LRMDA: variants seen among roughly 807,000 people sequenced by gnomAD.
LRMDA encodes leucine-rich melanocyte differentiation-associated protein.
A neutral mutation model predicts 29.8 loss-of-function variants in LRMDA; 18 were observed. The observed-to-expected ratio is 0.60, with a 90% CI of 0.42 to 0.90. The LOEUF is 0.90. Ranked by LOEUF, LRMDA falls within the 40% of genes least tolerant of loss-of-function variation. LRMDA has a pLI of 0.00. For missense variants in LRMDA, 273 were observed against 273.9 expected (o/e 1.00, Z 0.02); for synonymous variants, 125 against 109.4 (o/e 1.14, Z -0.89).
rs181963355 is a variant in LRMDA, at chr10:76,092,987, G to C, written c.516+34204G>C. The stretch of plus-strand genomic sequence containing the variant: ...TCTTTTGGTCCGTGGGCTCTCCCTG[G>C]AAAACATTACTGAGACCGTTAGGGC... On this transcript the variant is annotated intron_variant, in intron 5 of 6. Transcript: ENST00000611255. Among the ~76,000 whole-genome samples, 296 of 152,212 alleles carry C rather than the reference G, an allele frequency of 1.9e-3. 4 individuals carry two copies. Among genetic ancestry groups the C allele is most frequent in the African/African-American group, 7.0e-3 (289 of 41,522 alleles).
At chr10:75,840,816 C>T (rs955344175) in intron 2 of LRMDA, among the ~76,000 whole-genome samples, 6 of 152,198 alleles carry the variant, frequency 3.9e-5, no homozygotes, top group African/African-American at 1.2e-4. Flanking sequence ...TGAGGAACTC[C>T]GTAATAAGTC....
chr10:76,509,616 A>T (rs1297901495), intron 6 of LRMDA, among the ~76,000 whole-genome samples: 1 of 152,192 alleles, frequency 6.6e-6, no homozygotes, highest in Non-Finnish European at 1.5e-5. Context: ...GGGAAATGAG[A>T]ATCAGTTTGT....
chr10:75,927,518 A>G (rs767599286), intron 2 of LRMDA, among the ~76,000 whole-genome samples: 5 of 151,784 alleles, frequency 3.3e-5, no homozygotes, highest in Non-Finnish European at 5.9e-5. Flanking sequence ...TGGCTCACCT[A>G]CTCTTTCAAC....
At chr10:76,554,893 GT>G (rs1200311676) in intron 6 of LRMDA, among the ~76,000 whole-genome samples, 6 of 149,484 alleles carry the variant, frequency 4.0e-5, no homozygotes, top group Non-Finnish European at 7.5e-5. Flanking sequence ...GTGTGTGTGT[GT>G]GTGGTGTGTG....
At chr10:76,254,887 T>C (rs1435618303) in intron 5 of LRMDA, among the ~76,000 whole-genome samples, 4 of 152,168 alleles carry the variant, frequency 2.6e-5, no homozygotes, top group Non-Finnish European at 5.9e-5. Context: ...CAACTCCATG[T>C]TGAAAAACCT....
chr10:75,945,957 A>C (rs971247211), intron 2 of LRMDA, among the ~76,000 whole-genome samples: 1 of 152,176 alleles, frequency 6.6e-6, no homozygotes, highest in South Asian at 2.1e-4. Context: ...AAGGTTTCTG[A>C]CTTTCAGCTA....
At chr10:75,650,172 A>G (rs1337687626) in intron 2 of LRMDA, among the ~76,000 whole-genome samples, 1 of 152,172 alleles carries the variant, frequency 6.6e-6, no homozygotes, top group Non-Finnish European at 1.5e-5. Context: ...TTTTGGTGTC[A>G]TATCCAAGAA....
intron 5 of LRMDA, among the ~76,000 whole-genome samples, chr10:76,221,340 T>C (rs1273604979): frequency 4.6e-5 from 7 of 152,246 alleles, no homozygotes; most frequent in Non-Finnish European, 8.8e-5. Flanking sequence ...TTGTCCCTGA[T>C]TGCAGATGAC....
intron 2 of LRMDA, among the ~76,000 whole-genome samples, chr10:75,923,142 A>T (rs192453336): frequency 1.1e-4 from 17 of 152,136 alleles, no homozygotes; most frequent in Non-Finnish European, 2.4e-4. Context: ...TTAGTACCTC[A>T]TTACATCTTC....
intron 2 of LRMDA, among the ~76,000 whole-genome samples, chr10:75,692,529 G>A (rs573958833): frequency 5.4e-5 from 8 of 149,122 alleles, no homozygotes; most frequent in East Asian, 2.0e-4. Context: ...ACACATATGC[G>A]TATGTATACA....
At chr10:75,462,429 C>G (rs1001058279) in intron 2 of LRMDA, among the ~76,000 whole-genome samples, 1 of 152,164 alleles carries the variant, frequency 6.6e-6, no homozygotes, top group Non-Finnish European at 1.5e-5. Flanking sequence ...AGACATCTGT[C>G]TTTGTCGGAA....
intron 6 of LRMDA, among the ~76,000 whole-genome samples, chr10:76,451,667 G>A (rs1471796069): frequency 1.4e-5 from 2 of 147,528 alleles, no homozygotes; most frequent in Non-Finnish European, 3.0e-5. Context: ...TTTTGTGGAG[G>A]AGGGTGGTGG....
chr10:76,010,806 G>A (rs1847765996), intron 2 of LRMDA, among the ~76,000 whole-genome samples: 1 of 152,256 alleles, frequency 6.6e-6, no homozygotes. Context: ...AGGTGGCCTG[G>A]CCACAGGAAC....
chr10:75,936,927 A>G (rs1846305414), intron 2 of LRMDA, among the ~76,000 whole-genome samples: 1 of 152,216 alleles, frequency 6.6e-6, no homozygotes, highest in African/African-American at 2.4e-5. Context: ...TTTAGTCTGC[A>G]GTTAACACTG....
intron 5 of LRMDA, among the ~76,000 whole-genome samples, chr10:76,277,418 C>G (rs1310791809): frequency 6.6e-6 from 1 of 152,188 alleles, no homozygotes; most frequent in Non-Finnish European, 1.5e-5. Flanking sequence ...CCCTCTCATG[C>G]AAGAGGCAGG....
chr10:76,232,451 C>A (rs1049346675), intron 5 of LRMDA, among the ~76,000 whole-genome samples: 1 of 152,194 alleles, frequency 6.6e-6, no homozygotes, highest in Non-Finnish European at 1.5e-5. Context: ...ATACCCTCTT[C>A]ATAGGGGAGA....
intron 2 of LRMDA, among the ~76,000 whole-genome samples, chr10:75,966,087 C>T (rs192313327): frequency 6.6e-6 from 1 of 152,286 alleles, no homozygotes; most frequent in Non-Finnish European, 1.5e-5. Flanking sequence ...TCCCAGGGTG[C>T]AATGCTAGTT....
chr10:75,884,096 G>A (rs561014296), intron 2 of LRMDA, among the ~76,000 whole-genome samples: 1 of 151,970 alleles, frequency 6.6e-6, no homozygotes, highest in Admixed American at 6.6e-5. Context: ...GTGAACATTT[G>A]TATATTGAAT....
intron 2 of LRMDA, among the ~76,000 whole-genome samples, chr10:75,966,062 A>G (rs928624950): frequency 1.3e-5 from 2 of 152,246 alleles, no homozygotes; most frequent in African/African-American, 4.8e-5. Flanking sequence ...GGCCTAAGAA[A>G]TAAGATCTGG....
Sources: gnomAD v4.1 joint callset for allele counts (sites outside exome capture counted in the v4.1 genomes callset) on GRCh38, gnomAD v4.1.1 for gene constraint, MANE v1.5 for transcripts, NCBI Gene and HGNC (gene_info 2026-07-23, HGNC 2026-07-21) for gene names.